KRT7: variants seen among roughly 807,000 people sequenced by gnomAD.
KRT7 encodes keratin 7.
In KRT7, 50 loss-of-function variants were observed where a neutral mutation model predicts 42.8. The observed-to-expected ratio is 1.17, with a 90% CI of 0.93 to 1.48. The LOEUF is 1.48. Ranked by LOEUF, KRT7 falls within the 40% of genes most tolerant of loss-of-function variation. KRT7 has a pLI of 0.00. For synonymous variants in KRT7, 268 were observed against 266.3 expected (o/e 1.01, Z -0.06); for missense variants, 588 against 637.6 (o/e 0.92, Z 0.84).
intron 6 of KRT7, chr12:52,244,624 A>T: frequency 1.0e-6 from 1 of 986,050 alleles, no homozygotes; most frequent in Non-Finnish European, 1.2e-6. Flanking sequence ...AAGAAGGGAG[A>T]GAAGTCCTTG....
At chr12:52,237,625 C>A in intron 3 of KRT7, 56 bp downstream of exon 3, 1 of 1,451,230 alleles carries the variant, frequency 6.9e-7, no homozygotes, top group Non-Finnish European at 9.6e-7. Flanking sequence ...GACAAAGGAC[C>A]ACAGGATCCT....
Position 52,235,305 on chromosome 12 carries a change from G to A in KRT7, c.475G>A (p.Gly159Arg), listed in dbSNP as rs148061330. 2.5e-6 allele frequency: 4 copies of A among 1,613,896 alleles called. No homozygotes were observed. Among genetic ancestry groups the A allele is most frequent in the Admixed American group, 1.7e-5 (1 of 60,008 alleles). ...TCAGCTTGAGGCACTGCAGGTGGAT[G>A]GGGGCCGCCTGGAGGCGGAGCTGCG... ...RGQLEALQVD[G>R]GRLEAELRSM... Residue 159 changes from glycine to arginine, a missense_variant, in exon 2 of 9, where the codon GGG (glycine) becomes AGG (arginine). Physicochemically the swap from Gly to Arg is moderately radical, Grantham distance 125. Coordinates refer to ENST00000331817, the MANE Select transcript of KRT7 (RefSeq NM_005556.4).
At chr12:52,254,510 G>A (rs1018163820), downstream of KRT7, 1 of 408,934 alleles carries the variant, frequency 2.4e-6, no homozygotes, top group Non-Finnish European at 4.8e-6. Context: ...CTGGTATCAT[G>A]CCTTGGTGAA....
At chr12:52,234,121 CGGGGGA>C (rs1231813780) in intron 1 of KRT7, among the ~76,000 whole-genome samples, 8 of 2,998 alleles carry the variant, frequency 2.7e-3, no homozygotes, top group African/African-American at 6.1e-3. Flanking sequence ...GTCGGTGGGG[CGGGGGA>C]GGGGGGGGGG....
intron 6 of KRT7, chr12:52,244,575 C>T: frequency 6.1e-6 from 6 of 985,714 alleles, no homozygotes; most frequent in Non-Finnish European, 7.2e-6. Flanking sequence ...AGACTGCCTC[C>T]ACTGAGGGAA....
At chr12:52,245,763 A>G in intron 7 of KRT7, 131 bp downstream of exon 7, 1 of 1,172,398 alleles carries the variant, frequency 8.5e-7, no homozygotes. Flanking sequence ...GATGCAGGGA[A>G]CACAGAGCTG....
downstream of KRT7, chr12:52,252,601 G>A (rs1942284117): frequency 3.1e-6 from 4 of 1,308,272 alleles, no homozygotes; most frequent in Non-Finnish European, 2.1e-6. Flanking sequence ...TTAGGCCAGG[G>A]GTTGCAAATT....
chr12:52,237,422 G>A (rs1942025346), intron 2 of KRT7, 87 bp from the exon 3 acceptor site: 5 of 937,614 alleles, frequency 5.3e-6, no homozygotes, highest in East Asian at 2.6e-5. Context: ...AAGGGAGGCA[G>A]GGCAGATTTC....
chr12:52,248,772 C>T lies in KRT7; in HGVS notation c.*12C>T. 1.3e-6 allele frequency: 2 copies of T among 1,533,136 alleles called. No homozygotes were observed. The highest frequency in any genetic ancestry group is 2.5e-5 in the South Asian group (2 of 81,110). 95.0% of individuals were successfully genotyped at this position (1,533,136 alleles called of 1,614,324 possible). The stretch of plus-strand genomic sequence containing the variant: ...GTGCCCGCGACTGAGCCGCCTCCCA[C>T]CACTCCACTCCTCCAGCCACCACCC... On this transcript the variant is annotated 3_prime_UTR_variant, in exon 9 of 9. Coordinates refer to ENST00000331817, the MANE Select transcript of KRT7 (RefSeq NM_005556.4).
intron 6 of KRT7, 180 bp from the exon 7 acceptor site, chr12:52,245,232 G>A (rs1009019621): frequency 3.0e-5 from 19 of 636,826 alleles, no homozygotes; most frequent in Non-Finnish European, 4.6e-5. Context: ...GCCAGAACTG[G>A]AACATAGGCG....
rs1401728946 is a variant in KRT7 at position 52,248,627 on chromosome 12, G to C, written c.1277G>C (p.Gly426Ala). 2 of 1,603,300 alleles carry C rather than the reference G, an allele frequency of 1.2e-6. No homozygotes were observed. The highest frequency in any genetic ancestry group is 2.7e-5 in the African/African-American group (2 of 74,340). ...TCCACTGGTGGCAGTAGCAGTGGCGGTGGCATTGGGCTGACCCTCGGGGGA... is the reference window on the plus strand; with the variant it reads ...TCCACTGGTGGCAGTAGCAGTGGCGCTGGCATTGGGCTGACCCTCGGGGGA... ...MNSTGGSSSG[G>A]GIGLTLGGTM... Residue 426 changes from glycine (G) to alanine (A), a missense_variant, in exon 9 of 9, where the codon GGT becomes GCT. Coordinates refer to ENST00000331817, the MANE Select transcript of KRT7 (RefSeq NM_005556.4).
chr12:52,252,440 C>T (rs757315331), downstream of KRT7: 9 of 1,614,184 alleles, frequency 5.6e-6, no homozygotes, highest in Non-Finnish European at 6.8e-6. Flanking sequence ...CCGCCTCACC[C>T]TGCTGCTCAG....
In KRT7 at chr12:52,241,468, A is replaced by G. The variant is rs770544195; in HGVS notation, c.694-4A>G. 4 of 1,608,392 alleles carry G rather than the reference A, an allele frequency of 2.5e-6. No homozygotes were observed. Among genetic ancestry groups the G allele is most frequent in the Non-Finnish European group, 3.4e-6 (4 of 1,176,794 alleles). ...AGTCCTGATGTCCCGTCTGGTCCCT[A>G]CAGGAGTTGACAGAGCTGCAGTCCC... On this transcript the variant is annotated splice_region_variant and splice_polypyrimidine_tract_variant and intron_variant, in intron 4 of 8. Coordinates refer to ENST00000331817, the MANE Select transcript of KRT7 (RefSeq NM_005556.4).
downstream of KRT7, among the ~76,000 whole-genome samples, chr12:52,255,779 A>C (rs770116308): frequency 1.3e-5 from 2 of 152,198 alleles, no homozygotes; most frequent in African/African-American, 2.4e-5. Flanking sequence ...AGAGCCCAAC[A>C]TAGCACCTAC....
At chr12:52,234,121 CG>C (rs1299477013) in intron 1 of KRT7, among the ~76,000 whole-genome samples, 16 of 2,998 alleles carry the variant, frequency 5.3e-3, no homozygotes, top group African/African-American at 0.011. Flanking sequence ...GTCGGTGGGG[CG>C]GGGGAGGGGG....
At chr12:52,241,342 C>T (rs968297455) in intron 4 of KRT7, 130 bp from the exon 5 acceptor site, 49 of 767,140 alleles carry the variant, frequency 6.4e-5, no homozygotes, top group Non-Finnish European at 9.8e-5. Context: ...TCTGGGCCCC[C>T]TTGCTGCCTG....
intron 6 of KRT7, among the ~76,000 whole-genome samples, chr12:52,244,028 C>A (rs1364379718): frequency 3.9e-5 from 6 of 152,236 alleles, no homozygotes; most frequent in Non-Finnish European, 8.8e-5. Context: ...GGGCCCCCAG[C>A]CCTGGCTGAG....
chr12:52,244,482 G>A, intron 6 of KRT7: 2 of 985,918 alleles, frequency 2.0e-6, no homozygotes, highest in South Asian at 4.7e-5. Flanking sequence ...GGGCACCAGT[G>A]TGACAGGGCA....
At chr12:52,234,613 C>T (rs1455468781) in intron 1 of KRT7, among the ~76,000 whole-genome samples, 2 of 152,150 alleles carry the variant, frequency 1.3e-5, no homozygotes. Context: ...GGGCCCTGAG[C>T]TGCTGGTTTT....
Sources: gnomAD v4.1 joint callset for allele counts (sites outside exome capture counted in the v4.1 genomes callset) on GRCh38, gnomAD v4.1.1 for gene constraint, MANE v1.5 for transcripts, NCBI Gene and HGNC (gene_info 2026-07-23, HGNC 2026-07-21) for gene names.